The following NFATC3 variants were observed in gnomAD, a reference collection of about 807,000 sequenced individuals.
NFATC3 encodes nuclear factor of activated T-cells, cytoplasmic 3.
NFATC3 carries 46 observed loss-of-function variants against 98.6 expected under a neutral mutation model. That is an observed-to-expected ratio of 0.47 (90% CI 0.37 to 0.60). The LOEUF is 0.60. Among genes scored for constraint, NFATC3 ranks in the 20% least tolerant of loss-of-function variants. NFATC3 has a pLI of 0.00. For synonymous variants in NFATC3, 512 were observed against 472.2 expected (o/e 1.08, Z -1.09); for missense variants, 1,256 against 1,295.5 (o/e 0.97, Z 0.47).
rs1443198321 is a variant in NFATC3, at chr16:68,139,559, G to A, written c.1401+12949G>A. Among the ~76,000 whole-genome samples, 3 of 152,322 alleles carry A rather than the reference G, an allele frequency of 2.0e-5. No homozygotes were observed. The East Asian group carries it at 5.8e-4, about 29-fold the overall frequency. ...AAACATCAGTTATAATGATCTTCCT[G>A]TTATTCTGCAAAGGAGAATTTCAAA... is the stretch of plus-strand genomic sequence containing the variant. On this transcript the variant is annotated intron_variant, in intron 3 of 9. Transcript: ENST00000346183.
At chr16:68,181,585 G>A (rs1223535864) in intron 7 of NFATC3, 55 bp downstream of exon 7, 6 of 1,260,574 alleles carry the variant, frequency 4.8e-6, no homozygotes, top group African/African-American at 1.5e-5. Flanking sequence ...ATAGAAAATT[G>A]AATAATGCTG....
chr16:68,167,398 G>T (rs527851158), intron 5 of NFATC3, among the ~76,000 whole-genome samples: 12 of 152,114 alleles, frequency 7.9e-5, no homozygotes, highest in East Asian at 1.9e-4. Context: ...ATGCTAGGAG[G>T]TACTTACTTC....
intron 1 of NFATC3, among the ~76,000 whole-genome samples, chr16:68,109,107 A>G (rs1346140609): frequency 2.6e-5 from 4 of 152,166 alleles, no homozygotes; most frequent in African/African-American, 4.8e-5. Flanking sequence ...TTCCATTACT[A>G]TGTTGAATAG....
chr16:68,208,109 C>G (rs562277233), intron 9 of NFATC3, among the ~76,000 whole-genome samples: 1 of 152,102 alleles, frequency 6.6e-6, no homozygotes, highest in South Asian at 2.1e-4. Flanking sequence ...GACCTTGGCT[C>G]ACTGCAGCCT....
intron 9 of NFATC3, chr16:68,199,858 T>G (rs1218412988): frequency 3.9e-5 from 6 of 152,330 alleles, no homozygotes; most frequent in African/African-American, 7.2e-5. Flanking sequence ...AGTGCTGGGA[T>G]TACAGGTGTG....
chr16:68,214,532 G>A (rs1355140807), intron 9 of NFATC3: 3 of 943,662 alleles, frequency 3.2e-6, no homozygotes, highest in Admixed American at 2.0e-5. Flanking sequence ...GGGTATGCAC[G>A]GGCATTTTCT....
chr16:68,145,481 A>C (rs887618362), intron 3 of NFATC3, among the ~76,000 whole-genome samples: 2 of 152,214 alleles, frequency 1.3e-5, no homozygotes, highest in African/African-American at 4.8e-5. Context: ...GTTATAAACA[A>C]ACCAAATACA....
At chr16:68,157,775 T>C (rs1014141762) in intron 3 of NFATC3, 94 bp from the exon 4 acceptor site, 3 of 945,324 alleles carry the variant, frequency 3.2e-6, no homozygotes, top group Non-Finnish European at 4.7e-6. Flanking sequence ...GTCAATAGTA[T>C]ATGATAGAGA....
chr16:68,196,925 G>A (rs183686812), intron 9 of NFATC3, among the ~76,000 whole-genome samples: 95 of 152,146 alleles, frequency 6.2e-4, no homozygotes, highest in Non-Finnish European at 1.2e-3. Flanking sequence ...AGCTACTTGG[G>A]AGGCTGAGGC....
chr16:68,204,470 A>G (rs1367705868), intron 9 of NFATC3, among the ~76,000 whole-genome samples: 1 of 152,218 alleles, frequency 6.6e-6, no homozygotes, highest in African/African-American at 2.4e-5. Flanking sequence ...ATTCTTTGCA[A>G]TCATGTGTGA....
chr16:68,132,474 G>A (rs1357660220), intron 3 of NFATC3, among the ~76,000 whole-genome samples: 1 of 152,138 alleles, frequency 6.6e-6, no homozygotes, highest in Non-Finnish European at 1.5e-5. Flanking sequence ...TAGCCATGAT[G>A]GAAAACAGTC....
In NFATC3 at chr16:68,179,447, A is replaced by G. The variant is rs76184489; in HGVS notation, c.1916-2028A>G. 7.0e-3 allele frequency among the ~76,000 whole-genome samples: 1,060 copies of G among 152,336 alleles called. 17 individuals are homozygous for G. The highest frequency in any genetic ancestry group is 0.024 in the African/African-American group (984 of 41,574). On this transcript the variant is annotated intron_variant, in intron 6 of 9. Coordinates refer to ENST00000346183, the MANE Select transcript of NFATC3 (RefSeq NM_173165.3). ...TTAAGTAGGTGTAGCACTTGCCTGTAGTATCTCTTGTGCAGCAGAAGTAAC... is the reference window on the plus strand; with the variant it reads ...TTAAGTAGGTGTAGCACTTGCCTGTGGTATCTCTTGTGCAGCAGAAGTAAC...
At chr16:68,209,891 C>A in intron 9 of NFATC3, 1 of 236,120 alleles carries the variant, frequency 4.2e-6, no homozygotes, top group Non-Finnish European at 8.6e-6. Flanking sequence ...TCACTCTGGG[C>A]ATGTTGGCTC....
At chr16:68,198,191 G>T (rs1470704726) in intron 9 of NFATC3, among the ~76,000 whole-genome samples, 1 of 152,120 alleles carries the variant, frequency 6.6e-6, no homozygotes, top group Non-Finnish European at 1.5e-5. Context: ...GGTAGCACGT[G>T]CCTGTAATAC....
At chr16:68,218,864 G>A (rs1030343642) in intron 9 of NFATC3, among the ~76,000 whole-genome samples, 65 of 151,310 alleles carry the variant, frequency 4.3e-4, no homozygotes, top group African/African-American at 1.5e-3. Context: ...GAGCCACCAC[G>A]CCCGGCCTAG....
chr16:68,098,193 A>G (rs1166820576), intron 1 of NFATC3, among the ~76,000 whole-genome samples: 1 of 151,584 alleles, frequency 6.6e-6, no homozygotes, highest in African/African-American at 2.4e-5. Context: ...GTATGGACAC[A>G]TCTTTCCCTT....
Position 68,085,756 on chromosome 16 carries a change from G to A in NFATC3, c.75G>A (p.Ala25=). The A allele has an allele frequency of 6.7e-7, 1 of 1,502,360 alleles. No individual in the cohort carries two copies. 93.1% of individuals were successfully genotyped at this position (1,502,360 alleles called of 1,614,324 possible). Reference sequence around the variant, plus strand: ...TCTTTGGCGAGGACGGGGCGCCGGCGCCGCCGCCCCCGGGCTCGCGGCCTG... The same window carrying A: ...TCTTTGGCGAGGACGGGGCGCCGGCACCGCCGCCCCCGGGCTCGCGGCCTG... ...KLVFGEDGAP[A]PPPPGSRPAD... Residue 25 remains alanine (A), a synonymous_variant, in exon 1 of 10, where the codon GCG becomes GCA. Transcript: ENST00000346183.
intron 9 of NFATC3, among the ~76,000 whole-genome samples, chr16:68,196,398 G>A (rs2040671995): frequency 6.6e-6 from 1 of 152,156 alleles, no homozygotes; most frequent in African/African-American, 2.4e-5. Flanking sequence ...TGGGATTACA[G>A]GCATGAGCCA....
intron 9 of NFATC3, among the ~76,000 whole-genome samples, chr16:68,222,585 A>G (rs995668773): frequency 2.0e-5 from 3 of 152,200 alleles, no homozygotes; most frequent in African/African-American, 7.2e-5. Context: ...CCTAAAATAC[A>G]CACTGTGAAA....
Sources: gnomAD v4.1 joint callset for allele counts (sites outside exome capture counted in the v4.1 genomes callset) on GRCh38, gnomAD v4.1.1 for gene constraint, MANE v1.5 for transcripts, NCBI Gene and HGNC (gene_info 2026-07-23, HGNC 2026-07-21) for gene names.